Variants in CSTPP1 observed in about 807,000 individuals in gnomAD.
The protein encoded by CSTPP1 is UPF0705 protein C11orf49.
At chr11:47,100,319 T>G in the CSTPP1 span, among the ~76,000 whole-genome samples, 2 of 152,238 alleles carry the variant, frequency 1.3e-5, no homozygotes, top group African/African-American at 4.8e-5. Context: ...TACTTTTATA[T>G]TCCCCTTAAT....
At chr11:46,965,561 C>T in the CSTPP1 span, among the ~76,000 whole-genome samples, 1 of 152,048 alleles carries the variant, frequency 6.6e-6, no homozygotes, top group Non-Finnish European at 1.5e-5. Flanking sequence ...TTCTAAAAAC[C>T]AAAATAATTA....
chr11:46,971,969 TAATAAG>T, the CSTPP1 span, among the ~76,000 whole-genome samples: 46 of 152,304 alleles, frequency 3.0e-4, no homozygotes, highest in Admixed American at 2.3e-3. Flanking sequence ...CTAGGTGACC[TAATAAG>T]ATTGCCATCA....
chr11:46,946,018 T>G, the CSTPP1 span, among the ~76,000 whole-genome samples: 1 of 152,186 alleles, frequency 6.6e-6, no homozygotes, highest in Non-Finnish European at 1.5e-5. Flanking sequence ...ATCTAGATTT[T>G]TTTCCTTTTC....
the CSTPP1 span, among the ~76,000 whole-genome samples, chr11:47,060,258 C>CTTTTTTTTTTTTTTTTTTT: frequency 6.1e-5 from 6 of 99,016 alleles, no homozygotes; most frequent in Non-Finnish European, 9.7e-5. Context: ...CTTTTCTTTT[C>CTTTTTTTTTTTTTTTTTTT]TTTTTTTTTT....
the CSTPP1 span, among the ~76,000 whole-genome samples, chr11:47,110,880 G>C: frequency 7.1e-6 from 1 of 141,254 alleles, no homozygotes; most frequent in Non-Finnish European, 1.5e-5. Flanking sequence ...GTATGACCAA[G>C]AGAACACATC....
the CSTPP1 span, among the ~76,000 whole-genome samples, chr11:47,123,856 C>T: frequency 1.3e-5 from 2 of 151,946 alleles, no homozygotes; most frequent in East Asian, 1.9e-4. Flanking sequence ...CAAAAATTAG[C>T]CAGTGTGGTG....
the CSTPP1 span, among the ~76,000 whole-genome samples, chr11:46,938,340 A>ATATTAT: frequency 6.8e-6 from 1 of 147,938 alleles, no homozygotes. Context: ...AATATATTAT[A>ATATTAT]TATTATTATT....
At chr11:46,992,247 T>G in the CSTPP1 span, among the ~76,000 whole-genome samples, 1 of 152,008 alleles carries the variant, frequency 6.6e-6, no homozygotes, top group Non-Finnish European at 1.5e-5. Context: ...TTATTATTAT[T>G]TTTTATTATA....
chr11:47,164,025 G>A, the CSTPP1 span: 1 of 1,522,710 alleles, frequency 6.6e-7, no homozygotes, highest in Admixed American at 2.0e-5. Flanking sequence ...TGCTGAGGTT[G>A]CTCGCTCGCC....
At chr11:47,011,948 G>T in the CSTPP1 span, among the ~76,000 whole-genome samples, 1 of 152,106 alleles carries the variant, frequency 6.6e-6, no homozygotes, top group South Asian at 2.1e-4. Context: ...AAATAAATTA[G>T]TAAGGTAGCT....
the CSTPP1 span, among the ~76,000 whole-genome samples, chr11:47,124,114 C>CTTTTTTTTTTTTTTT: frequency 3.2e-5 from 2 of 63,232 alleles, no homozygotes; most frequent in Non-Finnish European, 5.3e-5. Context: ...AATGGTCTTA[C>CTTTTTTTTTTTTTTT]TTTTTTTTTT....
the CSTPP1 span, among the ~76,000 whole-genome samples, chr11:47,083,858 G>A: frequency 6.6e-6 from 1 of 152,168 alleles, no homozygotes; most frequent in East Asian, 1.9e-4. Context: ...GCTTGTTAAT[G>A]TACACTTGGG....
chr11:46,956,829 AATT>A, the CSTPP1 span, among the ~76,000 whole-genome samples: 42 of 151,996 alleles, frequency 2.8e-4, 1 homozygote, highest in Admixed American at 2.8e-3. Context: ...CTTCCAACAA[AATT>A]ATTATAATTT....
At chr11:47,077,776 T>G in the CSTPP1 span, among the ~76,000 whole-genome samples, 6 of 152,098 alleles carry the variant, frequency 3.9e-5, no homozygotes, top group Non-Finnish European at 8.8e-5. Flanking sequence ...AGGAGGAATT[T>G]CTGCAGGAAA....
the CSTPP1 span, chr11:47,123,186 T>TG: frequency 6.6e-6 from 1 of 152,206 alleles, no homozygotes; most frequent in African/African-American, 2.4e-5. Context: ...CATCTGGGGT[T>TG]GAAAATTCAG....
chr11:47,130,502 A>C, the CSTPP1 span, among the ~76,000 whole-genome samples: 1 of 152,190 alleles, frequency 6.6e-6, no homozygotes, highest in Admixed American at 6.5e-5. Context: ...GAGGAGATAA[A>C]ATTGAATAAC....
chr11:46,995,218 A>G, the CSTPP1 span, among the ~76,000 whole-genome samples: 1 of 152,064 alleles, frequency 6.6e-6, no homozygotes, highest in Admixed American at 6.5e-5. Context: ...TGATCTTTTC[A>G]AAAAACCAGC....
At chr11:47,139,454 A>G in the CSTPP1 span, among the ~76,000 whole-genome samples, 2 of 152,156 alleles carry the variant, frequency 1.3e-5, no homozygotes, top group East Asian at 3.8e-4. Context: ...TGGATGGATC[A>G]CCTGAGGTCA....
the CSTPP1 span, among the ~76,000 whole-genome samples, chr11:47,046,994 G>T: frequency 1.3e-5 from 2 of 150,450 alleles, no homozygotes; most frequent in African/African-American, 4.9e-5. Flanking sequence ...TCCACCTCCC[G>T]GGTTCAAGCG....
Sources: allele counts gnomAD v4.1 joint callset (sites outside exome capture counted in the v4.1 genomes callset), GRCh38; gene constraint gnomAD v4.1.1; transcripts MANE v1.5; gene names NCBI Gene and HGNC (gene_info 2026-07-23, HGNC 2026-07-21).